The following CIMAP3 variants were observed in gnomAD, a reference collection of about 807,000 sequenced individuals.
CIMAP3 encodes ciliary microtubule-associated protein 3.
chr1:111,351,631 G>A, the CIMAP3 span: 1 of 231,642 alleles, frequency 4.3e-6, no homozygotes, highest in Non-Finnish European at 8.4e-6. Context: ...CTAATTCCCA[G>A]GAGCCAATTT....
the CIMAP3 span, among the ~76,000 whole-genome samples, chr1:111,335,155 AC>A: frequency 1.2e-3 from 87 of 74,034 alleles, 6 homozygotes; most frequent in South Asian, 1.9e-3. Context: ...AAAAAAAAAG[AC>A]AGAAAAAAAA....
the CIMAP3 span, among the ~76,000 whole-genome samples, chr1:111,329,555 AT>A: frequency 2.1e-4 from 12 of 58,442 alleles, no homozygotes; most frequent in Non-Finnish European, 3.5e-4. Flanking sequence ...ATATATATAT[AT>A]ATAATTTTTT....
chr1:111,338,666 T>A, the CIMAP3 span, among the ~76,000 whole-genome samples: 2 of 152,062 alleles, frequency 1.3e-5, no homozygotes, highest in South Asian at 4.1e-4. Context: ...AGAAGTTGAA[T>A]CTCTAAATGG....
chr1:111,347,310 C>T, the CIMAP3 span, among the ~76,000 whole-genome samples: 18 of 152,350 alleles, frequency 1.2e-4, no homozygotes, highest in Non-Finnish European at 2.5e-4. Context: ...TTCCAAAGGC[C>T]TCTGAGCCAG....
At chr1:111,342,135 G>T in the CIMAP3 span, among the ~76,000 whole-genome samples, 1 of 152,150 alleles carries the variant, frequency 6.6e-6, no homozygotes, top group African/African-American at 2.4e-5. Context: ...ACTCTCAAAG[G>T]TCAAGGAGAA....
the CIMAP3 span, chr1:111,351,221 A>T: frequency 6.1e-6 from 9 of 1,482,536 alleles, no homozygotes; most frequent in Admixed American, 9.0e-5. Context: ...GAGGGTTCTC[A>T]TTAGAATATT....
At chr1:111,327,012 C>T in the CIMAP3 span, among the ~76,000 whole-genome samples, 1,215 of 152,108 alleles carry the variant, frequency 8.0e-3, 16 homozygotes, top group African/African-American at 0.027. Flanking sequence ...ATGAATACTT[C>T]GCAAATATTT....
At chr1:111,336,925 A>C in the CIMAP3 span, among the ~76,000 whole-genome samples, 3 of 151,820 alleles carry the variant, frequency 2.0e-5, no homozygotes, top group African/African-American at 7.3e-5. Flanking sequence ...ATGACGGAAA[A>C]AATGTTAAGG....
At chr1:111,327,138 G>A in the CIMAP3 span, among the ~76,000 whole-genome samples, 3 of 151,996 alleles carry the variant, frequency 2.0e-5, no homozygotes, top group East Asian at 3.9e-4. Context: ...TGCTTTTGAT[G>A]TCTTAGCCAT....
the CIMAP3 span, among the ~76,000 whole-genome samples, chr1:111,343,911 G>A: frequency 6.6e-6 from 1 of 152,066 alleles, no homozygotes; most frequent in African/African-American, 2.4e-5. Context: ...AAGAAGTCAA[G>A]CATTTGCTTT....
chr1:111,335,151 A>AT, the CIMAP3 span, among the ~76,000 whole-genome samples: 2 of 137,586 alleles, frequency 1.5e-5, no homozygotes, highest in Admixed American at 1.4e-4. Flanking sequence ...AAAAAAAAAA[A>AT]AAGACAGAAA....
the CIMAP3 span, among the ~76,000 whole-genome samples, chr1:111,329,695 C>T: frequency 1.3e-5 from 2 of 151,550 alleles, no homozygotes; most frequent in Non-Finnish European, 2.9e-5. Context: ...GCTGGGACTA[C>T]AGGCATGCAC....
chr1:111,346,796 AGC>A, the CIMAP3 span: 2 of 1,574,280 alleles, frequency 1.3e-6, no homozygotes, highest in Non-Finnish European at 1.7e-6. Flanking sequence ...TGGTTTTGTA[AGC>A]GCACGGTTGG....
At chr1:111,332,683 G>C in the CIMAP3 span, among the ~76,000 whole-genome samples, 4 of 152,166 alleles carry the variant, frequency 2.6e-5, no homozygotes, top group Non-Finnish European at 5.9e-5. Flanking sequence ...ACAGACACAG[G>C]GCTGCTCAGC....
the CIMAP3 span, among the ~76,000 whole-genome samples, chr1:111,343,610 A>G: frequency 4.6e-5 from 7 of 152,268 alleles, no homozygotes; most frequent in African/African-American, 1.7e-4. Context: ...GGCAATTCTT[A>G]GAGCTACCTG....
At chr1:111,336,689 G>T in the CIMAP3 span, among the ~76,000 whole-genome samples, 1 of 152,290 alleles carries the variant, frequency 6.6e-6, no homozygotes, top group East Asian at 1.9e-4. Flanking sequence ...AAGAAATATG[G>T]GACTATGTGA....
the CIMAP3 span, among the ~76,000 whole-genome samples, chr1:111,329,848 C>A: frequency 1.3e-5 from 2 of 152,048 alleles, no homozygotes; most frequent in Non-Finnish European, 2.9e-5. Flanking sequence ...GCCACCACAC[C>A]CAGTCATAAT....
At chr1:111,349,911 A>C in the CIMAP3 span, 20 of 524,552 alleles carry the variant, frequency 3.8e-5, no homozygotes, top group East Asian at 4.8e-4. Flanking sequence ...AAGATTGTCA[A>C]GTTAGATGTT....
the CIMAP3 span, among the ~76,000 whole-genome samples, chr1:111,337,771 G>A: frequency 1.3e-3 from 198 of 152,200 alleles, no homozygotes; most frequent in Middle Eastern, 3.4e-3. Context: ...CCCACTGTCA[G>A]CATTAGACAG....
Sources: allele counts gnomAD v4.1 joint callset (sites outside exome capture counted in the v4.1 genomes callset), GRCh38; gene constraint gnomAD v4.1.1; transcripts MANE v1.5; gene names NCBI Gene and HGNC (gene_info 2026-07-23, HGNC 2026-07-21).